FRMPD4: variants seen among roughly 807,000 people sequenced by gnomAD.
FRMPD4 encodes FERM and PDZ domain-containing protein 4.
FRMPD4 carries 22 observed loss-of-function variants against 94.1 expected under a neutral mutation model. That is an observed-to-expected ratio of 0.23 (90% CI 0.17 to 0.33). FRMPD4 has a LOEUF of 0.33. Among genes scored for constraint, FRMPD4 ranks in the 10% least tolerant of loss-of-function variants. The probability of loss-of-function intolerance (pLI) is 1.00; values close to 1 mark genes in which losing one functional copy is unlikely to be tolerated. For missense variants in FRMPD4, 1,111 were observed against 1,339.9 expected (o/e 0.83, Z 2.67); for synonymous variants, 631 against 548.6 (o/e 1.15, Z -2.10).
intron 2 of FRMPD4, among the ~76,000 whole-genome samples, chrX:12,528,871 T>G (rs772247395): frequency 1.8e-5 from 2 of 112,472 alleles, no homozygotes; most frequent in Non-Finnish European, 3.8e-5. Flanking sequence ...AAAGCCTTCT[T>G]TGTATTGACA....
chrX:11,880,873 C>A (rs1280256741), intron 3 of FRMPD4, among the ~76,000 whole-genome samples: 1 of 112,025 alleles, frequency 8.9e-6, no homozygotes, highest in African/African-American at 3.2e-5. Flanking sequence ...GAACTCCTGA[C>A]TTCAAGTGAT....
At chrX:12,101,180 G>T (rs1384639038) in intron 3 of FRMPD4, among the ~76,000 whole-genome samples, 2 of 110,723 alleles carry the variant, frequency 1.8e-5, no homozygotes, top group Admixed American at 1.9e-4. Context: ...GTTTCCATAG[G>T]TTGCCATTCA....
intron 2 of FRMPD4, among the ~76,000 whole-genome samples, chrX:11,871,836 G>A (rs944539096): frequency 8.9e-6 from 1 of 111,999 alleles, no homozygotes; most frequent in Non-Finnish European, 1.9e-5. Flanking sequence ...TAGTGGGCTT[G>A]CTCAGGGAGA....
chrX:12,103,231 T>A (rs1009644326), intron 3 of FRMPD4, among the ~76,000 whole-genome samples: 1 of 111,864 alleles, frequency 8.9e-6, no homozygotes, highest in Admixed American at 9.5e-5. Flanking sequence ...AGTTAATCTA[T>A]GTAAAGCACA....
intron 3 of FRMPD4, among the ~76,000 whole-genome samples, chrX:11,903,474 T>A (rs184055147): frequency 4.6e-4 from 47 of 102,707 alleles, no homozygotes; most frequent in African/African-American, 1.6e-3. Context: ...TAAAAACACA[T>A]CCTTGATTCT....
At chrX:12,676,607 G>C (rs1382082853) in intron 5 of FRMPD4, among the ~76,000 whole-genome samples, 1 of 112,240 alleles carries the variant, frequency 8.9e-6, no homozygotes, top group Non-Finnish European at 1.9e-5. Context: ...TTTACCTCAT[G>C]CAGTAAACTT....
chrX:11,892,084 CAT>C (rs776934394), intron 3 of FRMPD4, among the ~76,000 whole-genome samples: 1 of 112,063 alleles, frequency 8.9e-6, no homozygotes, highest in South Asian at 3.7e-4. Context: ...TATGTGTGTA[CAT>C]ATGTTTAGGA....
chrX:12,560,996 C>G (rs1189612082), intron 2 of FRMPD4, among the ~76,000 whole-genome samples: 1 of 106,991 alleles, frequency 9.3e-6, no homozygotes, highest in African/African-American at 3.4e-5. Flanking sequence ...GTCTCGATCT[C>G]CTGACCTCGT....
rs918255686 is a variant in FRMPD4, at chrX:12,721,065, G to A, written c.4496G>A (p.Arg1499Gln). ...RKLEGSNWRC[R>Q]GPFSYCFLNR... ...CTGGAGGGCAGCAATTGGAGATGCC[G>A]GGGACCCTTCAGCTATTGCTTCCTG... Residue 1499 changes from arginine to glutamine, a missense_variant, in exon 17 of 17, where the codon CGG becomes CAG. Arg to Gln is a conservative substitution (Grantham distance 43). This residue lies in a region of FRMPD4 where 551 missense variants were observed against 591.6 expected (regional missense o/e 0.93). Transcript: ENST00000675598. 1.3e-6 allele frequency: 1 copy of A among 753,703 alleles called. No homozygotes were observed. Among genetic ancestry groups the A allele is most frequent in the South Asian group, 6.8e-5 (1 of 14,679 alleles). 62.1% of individuals were successfully genotyped at this position (753,703 alleles called of 1,213,427 possible).
At chrX:12,398,534 A>G (rs1383850293) in intron 1 of FRMPD4, among the ~76,000 whole-genome samples, 3 of 111,426 alleles carry the variant, frequency 2.7e-5, no homozygotes, top group Non-Finnish European at 5.7e-5. Context: ...TTCACATACT[A>G]AAGTTATTAT....
chrX:11,953,914 T>C (rs1268040195), intron 3 of FRMPD4, among the ~76,000 whole-genome samples: 1 of 112,177 alleles, frequency 8.9e-6, no homozygotes, highest in Non-Finnish European at 1.9e-5. Flanking sequence ...AAAGGGGTTA[T>C]TCACAAGTCT....
chrX:12,607,979 C>T (rs776494948), intron 2 of FRMPD4, among the ~76,000 whole-genome samples: 2 of 112,525 alleles, frequency 1.8e-5, no homozygotes, highest in Non-Finnish European at 3.8e-5. Context: ...TTCTTTATTA[C>T]ATTGAACAAT....
At chrX:12,290,212 G>A (rs988393463) in intron 1 of FRMPD4, among the ~76,000 whole-genome samples, 3 of 111,996 alleles carry the variant, frequency 2.7e-5, no homozygotes, top group African/African-American at 9.7e-5. Context: ...ATGCTGTACG[G>A]AGCAGAGGTG....
chrX:12,079,871 A>G (rs1339357516), intron 3 of FRMPD4, among the ~76,000 whole-genome samples: 3 of 112,627 alleles, frequency 2.7e-5, no homozygotes, highest in Admixed American at 9.4e-5. Flanking sequence ...TATTGCTACA[A>G]TATAAACTGG....
intron 4 of FRMPD4, among the ~76,000 whole-genome samples, chrX:12,633,661 G>A (rs2059417442): frequency 8.9e-6 from 1 of 112,045 alleles, no homozygotes; most frequent in Admixed American, 9.5e-5. Context: ...GTTTTGTTTG[G>A]TTTTTTAATG....
chrX:11,837,628 G>T, intron 1 of FRMPD4, among the ~76,000 whole-genome samples: 1 of 111,665 alleles, frequency 9.0e-6, no homozygotes. Flanking sequence ...CCCTCGTTCT[G>T]CATGTCAGAC....
At chrX:12,567,602 G>A (rs1008987196) in intron 2 of FRMPD4, among the ~76,000 whole-genome samples, 3 of 111,977 alleles carry the variant, frequency 2.7e-5, no homozygotes, top group Non-Finnish European at 5.6e-5. Flanking sequence ...TAGTTGGGTA[G>A]ATGGGGTGAT....
At position 12,158,415 on chromosome X, in the gene FRMPD4, G is replaced by A. The variant is rs770858798; in HGVS notation, c.41+19403G>A. 2.6e-4 allele frequency among the ~76,000 whole-genome samples: 29 copies of A among 111,648 alleles called. No individual in the cohort carries two copies. In the South Asian group the frequency reaches 3.8e-3, roughly 15 times the overall value. On this transcript the variant is annotated intron_variant, in intron 1 of 16. Coordinates refer to ENST00000675598, the MANE Select transcript of FRMPD4 (RefSeq NM_001368397.1). ...CACTTCTTATTTTTTAAGACTGTTC[G>A]GTGATGCATAATATTCATGTAAAAA...
chrX:11,854,649 A>G (rs892724776), intron 1 of FRMPD4, among the ~76,000 whole-genome samples: 1 of 112,550 alleles, frequency 8.9e-6, no homozygotes, highest in Admixed American at 9.3e-5. Context: ...ATTAAACCTT[A>G]AAGTTCCAAA....
Sources: allele counts gnomAD v4.1 joint callset (sites outside exome capture counted in the v4.1 genomes callset), GRCh38; gene constraint gnomAD v4.1.1; regional missense constraint gnomAD v4.1.1; transcripts MANE v1.5; gene names NCBI Gene and HGNC (gene_info 2026-07-23, HGNC 2026-07-21).